The following TFAP2A variants were observed in gnomAD, a reference collection of about 807,000 sequenced individuals.
TFAP2A encodes transcription factor AP-2-alpha.
In TFAP2A, 7 loss-of-function variants were observed where a neutral mutation model predicts 41.5. The ratio of observed to expected loss-of-function variants is 0.17; its 90% CI spans 0.10 to 0.32. TFAP2A has a LOEUF of 0.32. Ranked by LOEUF, TFAP2A falls within the 10% of genes least tolerant of loss-of-function variation. The pLI is 1.00. For missense variants in TFAP2A, 416 were observed against 563.3 expected, an observed-to-expected ratio of 0.74 and a Z score of 2.65; for synonymous variants, 247 against 242.8, an observed-to-expected ratio of 1.02 and a Z score of -0.16.
At chr6:10,407,931 A>G (rs2113194796) in intron 2 of TFAP2A, 1 of 152,336 alleles carries the variant, frequency 6.6e-6, no homozygotes, top group South Asian at 2.1e-4. Flanking sequence ...AATGTTCAGA[A>G]ATGACTACTG....
chr6:10,415,135 G>C, upstream of TFAP2A: 1 of 1,561,092 alleles, frequency 6.4e-7, no homozygotes, highest in Non-Finnish European at 8.6e-7. Flanking sequence ...AAGGAGGAGG[G>C]AGAGGAGGAG....
chr6:10,406,608 C>T, intron 3 of TFAP2A, 185 bp downstream of exon 3: 1 of 630,426 alleles, frequency 1.6e-6, no homozygotes. Flanking sequence ...ACAAAGCTAG[C>T]CTGTTGGCAT....
chr6:10,404,222 G>A (rs529999322), intron 4 of TFAP2A, among the ~76,000 whole-genome samples: 169 of 152,212 alleles, frequency 1.1e-3, no homozygotes, highest in Non-Finnish European at 1.9e-3. Flanking sequence ...GCGCGAGGAG[G>A]AGGGCGGAGC....
chr6:10,399,918 C>CTGTGTGTGTG (rs1257882692), intron 6 of TFAP2A, among the ~76,000 whole-genome samples: 16 of 149,990 alleles, frequency 1.1e-4, no homozygotes, highest in African/African-American at 4.0e-4. Flanking sequence ...CTCTCTCTCT[C>CTGTGTGTGTG]TCTGTCTGTG....
intron 1 of TFAP2A, chr6:10,411,056 C>CT: frequency 6.6e-6 from 1 of 150,510 alleles, no homozygotes; most frequent in African/African-American, 2.5e-5. Context: ...GCCCCCCCCC[C>CT]CCGCCCCTTC....
chr6:10,404,816 C>G, intron 3 of TFAP2A, 77 bp from the exon 4 acceptor site: 6 of 1,311,190 alleles, frequency 4.6e-6, no homozygotes, highest in Middle Eastern at 2.0e-4. Context: ...GGCCCTCATC[C>G]CGGCCAGGGC....
At chr6:10,417,573 C>G (rs1017230932), upstream of TFAP2A, among the ~76,000 whole-genome samples, 1 of 152,222 alleles carries the variant, frequency 6.6e-6, no homozygotes, top group African/African-American at 2.4e-5. Context: ...GGTCGGAGAT[C>G]CAGGCCTGAC....
intron 3 of TFAP2A, chr6:10,406,561 C>T (rs1218944077): frequency 5.3e-6 from 3 of 570,856 alleles, no homozygotes; most frequent in Non-Finnish European, 9.4e-6. Flanking sequence ...GTCCAAATAT[C>T]ATTAAACTAA....
chr6:10,418,769 A>G (rs576189759), upstream of TFAP2A: 1 of 153,182 alleles, frequency 6.5e-6, no homozygotes, highest in East Asian at 1.9e-4. Flanking sequence ...ACACTCCCTC[A>G]TCCGTAGCCC....
upstream of TFAP2A, chr6:10,419,568 T>C: frequency 7.6e-7 from 1 of 1,319,650 alleles, no homozygotes. Context: ...CACCAACATC[T>C]CACCTGGTCA....
Position 10,396,967 on chromosome 6 carries a change from C to A in TFAP2A, c.*1450G>T, listed in dbSNP as rs1305786147. On this transcript the variant is annotated 3_prime_UTR_variant, in exon 7 of 7. Coordinates refer to ENST00000379613, the MANE Select transcript of TFAP2A (RefSeq NM_001372066.1). ...GGAGAGTTAAACTCAATTACTGTAA[C>A]CATACTGAATAAAAAATACTGCCAA... 6.6e-6 allele frequency: 1 copy of A among 152,466 alleles called. No individual in the cohort carries two copies. The highest frequency in any genetic ancestry group is 1.5e-5 in the Non-Finnish European group (1 of 68,024). The allele number at this position is 152,466 out of a possible 1,614,324, so 9.4% of individuals were successfully genotyped here. A position where few individuals can be genotyped will look rare whatever the true frequency, so the allele number is the denominator to read the frequency against.
rs34396413 is a variant in TFAP2A at position 10,400,801 on chromosome 6, CAAG to C, written c.890-215_890-213del. 0.053 allele frequency: 37,087 copies of C among 702,280 alleles called. 2,561 individuals are homozygous for C. Among genetic ancestry groups the C allele is most frequent in the East Asian group, 0.27 (9,783 of 35,894 alleles). 43.5% of individuals were successfully genotyped at this position (702,280 alleles called of 1,614,324 possible). On this transcript the variant is annotated intron_variant, in intron 5 of 6. Transcript: ENST00000379613. Reference sequence around the variant, plus strand: ...AAAATGACCACTTCTCCTAGAGGGCCAAGAAGACTTGAAAATGAAAATCTCATC... The same window carrying C: ...AAAATGACCACTTCTCCTAGAGGGCCAAGACTTGAAAATGAAAATCTCATC...
At chr6:10,409,861 G>T in intron 2 of TFAP2A, 40 bp downstream of exon 2, 1 of 1,545,578 alleles carries the variant, frequency 6.5e-7, no homozygotes. Context: ...GGTAAGTAGG[G>T]GGCTGTGTTC....
intron 2 of TFAP2A, among the ~76,000 whole-genome samples, chr6:10,408,255 G>A (rs1757802814): frequency 6.6e-6 from 1 of 152,150 alleles, no homozygotes; most frequent in African/African-American, 2.4e-5. Flanking sequence ...TTTCTTAAAA[G>A]ATGGGGGAGG....
At chr6:10,400,943 T>A (rs942938005) in intron 5 of TFAP2A, among the ~76,000 whole-genome samples, 7 of 152,366 alleles carry the variant, frequency 4.6e-5, no homozygotes, top group Admixed American at 6.5e-5. Context: ...ATGATATTCA[T>A]AATTACTCTT....
Position 10,404,704 on chromosome 6 carries a change from C to T in TFAP2A, c.574G>A (p.Val192Ile), listed in dbSNP as rs1332158151. Residue 192 changes from valine to isoleucine, a missense_variant, in exon 4 of 7, where the codon GTC (valine) becomes ATC (isoleucine). Transcript: ENST00000379613. Reference sequence around the variant, plus strand: ...TCCTTGTTAATAGGGATGGCGGAGACGGCATTGCTGTTGGACTTGGACAGG... The same window carrying T: ...TCCTTGTTAATAGGGATGGCGGAGATGGCATTGCTGTTGGACTTGGACAGG... ...VSLSKSNSNA[V>I]SAIPINKDNL... is the part of the protein sequence containing the mutation. 2.5e-6 allele frequency: 4 copies of T among 1,614,060 alleles called. No individual in the cohort carries two copies. The highest frequency in any genetic ancestry group is 2.2e-5 in the South Asian group (2 of 91,090).
upstream of TFAP2A, chr6:10,415,402 G>T: frequency 1.7e-6 from 1 of 578,626 alleles, no homozygotes; most frequent in Non-Finnish European, 2.5e-6. Context: ...TCTCTACGCC[G>T]CGAACTTGCT....
At chr6:10,415,260 A>G, upstream of TFAP2A, 1 of 1,433,654 alleles carries the variant, frequency 7.0e-7, no homozygotes, top group Non-Finnish European at 9.1e-7. Flanking sequence ...ATCTCCCTCT[A>G]ATGGTAGAAA....
At chr6:10,400,162 A>AC (rs1244634307) in intron 6 of TFAP2A, among the ~76,000 whole-genome samples, 5 of 150,972 alleles carry the variant, frequency 3.3e-5, no homozygotes, top group African/African-American at 9.8e-5. Flanking sequence ...TCACAAATCC[A>AC]CCCTTAACTT....
Sources: allele counts gnomAD v4.1 joint callset (sites outside exome capture counted in the v4.1 genomes callset), GRCh38; gene constraint gnomAD v4.1.1; transcripts MANE v1.5; gene names NCBI Gene and HGNC (gene_info 2026-07-23, HGNC 2026-07-21).